ATP13A4: variants seen among roughly 807,000 people sequenced by gnomAD.
ATP13A4 encodes the protein probable cation-transporting ATPase 13A4.
A neutral mutation model predicts 142.5 loss-of-function variants in ATP13A4; 114 were observed. The observed-to-expected ratio is 0.80, with a 90% confidence interval of 0.69 to 0.93. The LOEUF is 0.93. Ranked by LOEUF, ATP13A4 falls within the 40% of genes least tolerant of loss-of-function variation. The pLI, the probability that ATP13A4 is intolerant of heterozygous loss-of-function variation, is 0.00. For missense variants in ATP13A4, 1,392 were observed against 1,454.0 expected (o/e 0.96, Z 0.69); for synonymous variants, 488 against 514.8 (o/e 0.95, Z 0.70).
chr3:193,435,634 G>A lies in ATP13A4; in HGVS notation c.2769+14C>T, dbSNP rs1251260633. ...TAGTTCACACTAACCAAGAGGCTAA[G>A]TCCCAAGTCATACCCAGTAGAGCAG... On this transcript the variant is annotated intron_variant, in intron 24 of 29. Coordinates refer to ENST00000342695, the MANE Select transcript of ATP13A4 (RefSeq NM_032279.4). 1 of 1,603,630 alleles carries A rather than the reference G, an allele frequency of 6.2e-7. No homozygotes were observed. Among genetic ancestry groups the A allele is most frequent in the East Asian group, 2.2e-5 (1 of 44,838 alleles).
At chr3:193,483,314 T>C (rs2108658027) in intron 8 of ATP13A4, among the ~76,000 whole-genome samples, 1 of 152,218 alleles carries the variant, frequency 6.6e-6, no homozygotes, top group South Asian at 2.1e-4. Flanking sequence ...AAGGCAACTT[T>C]TGGGAGTGAT....
Position 193,454,095 on chromosome 3 carries a change from A to G in ATP13A4, c.2027+6T>C. On this transcript the variant is annotated splice_donor_region_variant and intron_variant, in intron 17 of 29. Transcript: ENST00000342695. ...TTTCTGCTTTATCAAAATCATCCCCATTTACCTCGTCAAGGTAGTAGCGTG... is the reference window on the plus strand; with the variant it reads ...TTTCTGCTTTATCAAAATCATCCCCGTTTACCTCGTCAAGGTAGTAGCGTG... 1 of 1,599,530 alleles carries G rather than the reference A, an allele frequency of 6.3e-7. No individual in the cohort carries two copies. Among genetic ancestry groups the G allele is most frequent in the Non-Finnish European group, 8.6e-7 (1 of 1,166,826 alleles).
chr3:193,434,308 A>G (rs1716137522), intron 24 of ATP13A4, among the ~76,000 whole-genome samples: 1 of 152,216 alleles, frequency 6.6e-6, no homozygotes, highest in Non-Finnish European at 1.5e-5. Context: ...GTAACCTTAC[A>G]TAAGTTTTAC....
At chr3:193,423,631 C>T (rs1384170921) in intron 25 of ATP13A4, among the ~76,000 whole-genome samples, 1 of 149,552 alleles carries the variant, frequency 6.7e-6, no homozygotes, top group African/African-American at 2.5e-5. Context: ...TCAAAATTCC[C>T]TTCTGCTAAA....
chr3:193,526,566 T>C (rs908521586), intron 1 of ATP13A4, among the ~76,000 whole-genome samples: 5 of 152,124 alleles, frequency 3.3e-5, no homozygotes, highest in Admixed American at 3.3e-4. Context: ...CACACGTATA[T>C]CTACATAAGA....
At chr3:193,466,578 G>T (rs1401193071) in intron 10 of ATP13A4, among the ~76,000 whole-genome samples, 2 of 152,214 alleles carry the variant, frequency 1.3e-5, no homozygotes, top group African/African-American at 4.8e-5. Flanking sequence ...ACTTTGCAAT[G>T]TTAAATTTTC....
At chr3:193,402,987 G>T in intron 29 of ATP13A4, 123 bp from the exon 30 acceptor site, 1 of 855,044 alleles carries the variant, frequency 1.2e-6, no homozygotes, top group Non-Finnish European at 1.9e-6. Context: ...CAAAGAGCTT[G>T]ACCACTGGAC....
At chr3:193,406,346 G>A (rs1193626619) in intron 29 of ATP13A4, among the ~76,000 whole-genome samples, 2 of 152,176 alleles carry the variant, frequency 1.3e-5, no homozygotes. Context: ...CTGCAGGGAA[G>A]TCAGGCTGTA....
rs375871398 is a variant in ATP13A4, at chr3:193,542,740, A to G, written c.60+12000T>C. Among the ~76,000 whole-genome samples the G allele has an allele frequency of 4.0e-4, 61 of 152,328 alleles. No individual in the cohort carries two copies. In the East Asian group the frequency reaches 0.011, roughly 28 times the overall value. On this transcript the variant is annotated intron_variant, in intron 1 of 29. Transcript: ENST00000342695. ...ACAAGCAATGGGGAAGGGATTCCCT[A>G]TTTAATAAATGGTGCTGGGAAAACT...
chr3:193,460,198 G>A (rs1214076088), intron 13 of ATP13A4, among the ~76,000 whole-genome samples: 1 of 152,142 alleles, frequency 6.6e-6, no homozygotes, highest in Non-Finnish European at 1.5e-5. Context: ...TGTCGCACAG[G>A]AACCTCCGGC....
chr3:193,462,965 T>A, intron 12 of ATP13A4, 142 bp from the exon 13 acceptor site: 1 of 742,834 alleles, frequency 1.3e-6, no homozygotes, highest in Non-Finnish European at 2.3e-6. Flanking sequence ...GGCAACATAA[T>A]GAAACCACCT....
intron 8 of ATP13A4, among the ~76,000 whole-genome samples, chr3:193,483,242 G>C (rs1719395043): frequency 6.6e-6 from 1 of 152,116 alleles, no homozygotes; most frequent in African/African-American, 2.4e-5. Context: ...GCTGATAAAT[G>C]ATTGCCTGAG....
intron 12 of ATP13A4, among the ~76,000 whole-genome samples, chr3:193,463,646 A>T (rs1718090490): frequency 6.6e-6 from 1 of 152,110 alleles, no homozygotes; most frequent in African/African-American, 2.4e-5. Context: ...GCATACAGTA[A>T]AAGCTAATAA....
chr3:193,426,951 T>C (rs112438071), intron 25 of ATP13A4, among the ~76,000 whole-genome samples: 4 of 152,062 alleles, frequency 2.6e-5, no homozygotes, highest in East Asian at 3.9e-4. Context: ...TTCTTAGATA[T>C]AACACCAAAT....
Position 193,439,985 on chromosome 3 carries a change from A to G in ATP13A4, c.2519+573T>C, listed in dbSNP as rs111765600. 4.1e-3 allele frequency: 630 copies of G among 154,830 alleles called. 2 individuals carry two copies. The highest frequency in any genetic ancestry group is 5.7e-3 in the Non-Finnish European group (400 of 69,752). The allele number at this position is 154,830 out of a possible 1,614,324, so 9.6% of individuals were successfully genotyped here. On this transcript the variant is annotated intron_variant, in intron 21 of 29. Transcript: ENST00000342695. ...TGGTACTCTGTGGGGTTCTATTAAC[A>G]GGAAACAAAGGGTCCTAAGCGATGG...
chr3:193,462,764 A>T lies in ATP13A4; in HGVS notation c.1521T>A (p.Asn507Lys), dbSNP rs1718026797. ...GTCCAAGAGTCCAAGGTACTCACCC[A>T]TTCCTATCACAGGACACGACTCCCC... The part of the protein sequence containing the change: ...DLWGVVSCDR[N>K]GFQEVHSFAS... Residue 507 changes from asparagine (N) to lysine (K), a missense_variant and splice_region_variant, in exon 13 of 30, where the codon AAT becomes AAA. Coordinates refer to ENST00000342695, the MANE Select transcript of ATP13A4 (RefSeq NM_032279.4). The T allele has an allele frequency of 1.9e-6, 3 of 1,613,478 alleles. No homozygotes were observed. In the African/African-American group the frequency reaches 4.0e-5, roughly 22 times the overall value.
intron 2 of ATP13A4, among the ~76,000 whole-genome samples, chr3:193,573,290 C>CTTATAT (rs1279066051): frequency 3.6e-5 from 4 of 109,964 alleles, no homozygotes; most frequent in South Asian, 2.7e-4. Context: ...TATATATATA[C>CTTATAT]ACATATATAT....
chr3:193,523,085 C>T (rs1031374012), intron 1 of ATP13A4, among the ~76,000 whole-genome samples: 1 of 151,856 alleles, frequency 6.6e-6, no homozygotes, highest in Non-Finnish European at 1.5e-5. Context: ...CGCGGATCAC[C>T]CGAGGTCAGG....
chr3:193,510,809 T>C (rs1036646163), intron 2 of ATP13A4, among the ~76,000 whole-genome samples: 1 of 152,138 alleles, frequency 6.6e-6, no homozygotes, highest in African/African-American at 2.4e-5. Context: ...TGATGATAAA[T>C]AGCAAGTACT....
Sources: gnomAD v4.1 joint callset for allele counts (sites outside exome capture counted in the v4.1 genomes callset) on GRCh38, gnomAD v4.1.1 for gene constraint, MANE v1.5 for transcripts, NCBI Gene and HGNC (gene_info 2026-07-23, HGNC 2026-07-21) for gene names.